CA10: variants seen among roughly 807,000 people sequenced by gnomAD.
CA10 encodes carbonic anhydrase 10 (inactive).
A neutral mutation model predicts 44.2 loss-of-function variants in CA10; 14 were observed. The ratio of observed to expected loss-of-function variants is 0.32; its 90% CI spans 0.21 to 0.50. The LOEUF (loss-of-function observed/expected upper bound fraction) is 0.50, where lower values mean the gene tolerates loss of function less well. Ranked by LOEUF, CA10 falls within the 20% of genes least tolerant of loss-of-function variation. CA10 has a pLI of 0.99. For missense variants in CA10, 350 were observed against 409.7 expected (o/e 0.85, Z 1.26); for synonymous variants, 159 against 141.6 (o/e 1.12, Z -0.87).
intron 1 of CA10, among the ~76,000 whole-genome samples, chr17:52,080,296 C>G (rs1029056903): frequency 1.3e-5 from 2 of 151,874 alleles, no homozygotes; most frequent in South Asian, 2.1e-4. Context: ...ACCAAAAATA[C>G]AAAAAATTAG....
intron 3 of CA10, among the ~76,000 whole-genome samples, chr17:51,769,928 T>C (rs1905534335): frequency 6.6e-6 from 1 of 152,010 alleles, no homozygotes; most frequent in Admixed American, 6.6e-5. Context: ...GCTCAAGAAA[T>C]GGGTGCATCC....
At chr17:51,816,046 C>A (rs1907552254) in intron 3 of CA10, among the ~76,000 whole-genome samples, 1 of 152,024 alleles carries the variant, frequency 6.6e-6, no homozygotes, top group East Asian at 1.9e-4. Flanking sequence ...TTTTTGTACC[C>A]ATTAACCATC....
chr17:51,648,569 T>C (rs1330721779), intron 6 of CA10, among the ~76,000 whole-genome samples: 1 of 152,202 alleles, frequency 6.6e-6, no homozygotes, highest in African/African-American at 2.4e-5. Context: ...CCTTCTGGGA[T>C]TGCTGGAGAT....
At chr17:51,977,992 C>A (rs939640842) in intron 2 of CA10, among the ~76,000 whole-genome samples, 9 of 151,990 alleles carry the variant, frequency 5.9e-5, no homozygotes, top group African/African-American at 2.2e-4. Flanking sequence ...TCTGCTGACA[C>A]AATTAAAATA....
intron 1 of CA10, among the ~76,000 whole-genome samples, chr17:52,147,848 G>A (rs1989621762): frequency 6.6e-6 from 1 of 151,806 alleles, no homozygotes; most frequent in South Asian, 2.1e-4. Context: ...TTAACAATAG[G>A]GCCCCTTTTT....
chr17:51,654,992 T>C (rs1913736563), intron 4 of CA10, among the ~76,000 whole-genome samples: 2 of 152,224 alleles, frequency 1.3e-5, no homozygotes, highest in South Asian at 4.1e-4. Context: ...GTTACTTGTT[T>C]TGTGCTTATA....
chr17:51,764,244 A>G (rs1905292488), intron 3 of CA10, among the ~76,000 whole-genome samples: 1 of 152,176 alleles, frequency 6.6e-6, no homozygotes, highest in Non-Finnish European at 1.5e-5. Flanking sequence ...TCTGAGCTGC[A>G]TCTCCTTTTC....
intron 8 of CA10, 151 bp from the exon 9 acceptor site, chr17:51,631,757 C>T (rs994833585): frequency 1.5e-6 from 1 of 686,132 alleles, no homozygotes. Flanking sequence ...CCAACTACTC[C>T]CTTCCAATTC....
chr17:51,950,240 C>T (rs375930685), intron 2 of CA10, among the ~76,000 whole-genome samples: 1 of 152,120 alleles, frequency 6.6e-6, no homozygotes, highest in African/African-American at 2.4e-5. Context: ...CTCTGACTTC[C>T]TGTGTTACCT....
intron 3 of CA10, among the ~76,000 whole-genome samples, chr17:51,822,686 A>G (rs1907859267): frequency 6.6e-6 from 1 of 152,248 alleles, no homozygotes; most frequent in Admixed American, 6.5e-5. Context: ...AAGAATGTGT[A>G]GCATGGTGCA....
intron 4 of CA10, among the ~76,000 whole-genome samples, chr17:51,674,323 G>A (rs1016026363): frequency 1.3e-5 from 2 of 152,214 alleles, no homozygotes; most frequent in African/African-American, 4.8e-5. Context: ...AAGAAAAATA[G>A]TCTTCTTACT....
At chr17:51,734,097 T>C (rs1316159061) in intron 4 of CA10, among the ~76,000 whole-genome samples, 5 of 150,090 alleles carry the variant, frequency 3.3e-5, no homozygotes, top group Non-Finnish European at 7.4e-5. Flanking sequence ...CTTTACTTTT[T>C]CATCAAATGT....
chr17:51,989,111 C>T (rs1368420260), intron 2 of CA10, among the ~76,000 whole-genome samples: 6 of 151,024 alleles, frequency 4.0e-5, no homozygotes, highest in Non-Finnish European at 7.4e-5. Flanking sequence ...AATGCAGAAT[C>T]TTAATCCTTA....
At chr17:51,879,308 A>T (rs932813810) in intron 3 of CA10, among the ~76,000 whole-genome samples, 4 of 152,134 alleles carry the variant, frequency 2.6e-5, no homozygotes, top group Non-Finnish European at 4.4e-5. Context: ...ATTACTGGGG[A>T]GACAAATACT....
At chr17:51,746,900 C>G (rs975720093) in intron 4 of CA10, among the ~76,000 whole-genome samples, 2 of 152,216 alleles carry the variant, frequency 1.3e-5, no homozygotes, top group Non-Finnish European at 1.5e-5. Context: ...TTATTGAGGA[C>G]TCTTAAGCAG....
chr17:51,819,859 A>G (rs1008962444), intron 3 of CA10, among the ~76,000 whole-genome samples: 2 of 151,950 alleles, frequency 1.3e-5, no homozygotes, highest in Non-Finnish European at 2.9e-5. Context: ...TGGGAAATGT[A>G]TGCTCTCTGT....
chr17:52,099,633 G>A (rs924762034), intron 1 of CA10, among the ~76,000 whole-genome samples: 2 of 152,158 alleles, frequency 1.3e-5, no homozygotes, highest in African/African-American at 4.8e-5. Flanking sequence ...CTGACTGTTG[G>A]AAATAAGAGT....
intron 3 of CA10, among the ~76,000 whole-genome samples, chr17:51,778,747 C>T (rs1376712350): frequency 6.6e-6 from 1 of 152,158 alleles, no homozygotes; most frequent in Non-Finnish European, 1.5e-5. Context: ...GTTTCCGAAA[C>T]AATCAGAGGA....
Position 51,739,277 on chromosome 17 carries a change from T to C in CA10, c.465+8356A>G, listed in dbSNP as rs545904423. On this transcript the variant is annotated intron_variant, in intron 4 of 8. Transcript: ENST00000451037. ...ACGGAAATGTTGTGAGCGGTACTCA[T>C]GCCTGTAACTGCAGTGTCACTGGTT... Among the ~76,000 whole-genome samples, 4 of 152,220 alleles carry C rather than the reference T, an allele frequency of 2.6e-5. No homozygotes were observed. In the South Asian group the frequency reaches 6.2e-4, roughly 24 times the overall value.
Sources: allele counts gnomAD v4.1 joint callset (sites outside exome capture counted in the v4.1 genomes callset), GRCh38; gene constraint gnomAD v4.1.1; transcripts MANE v1.5; gene names NCBI Gene and HGNC (gene_info 2026-07-23, HGNC 2026-07-21).